The following FHOD1 variants were observed in gnomAD, a reference collection of about 807,000 sequenced individuals.
FHOD1 encodes formin homology 2 domain containing 1.
In FHOD1, 89 loss-of-function variants were observed where a neutral mutation model predicts 111.6. The observed-to-expected ratio is 0.80, with a 90% CI of 0.67 to 0.95. The LOEUF (loss-of-function observed/expected upper bound fraction) is 0.95. Among genes scored for constraint, FHOD1 ranks in the 40% least tolerant of loss-of-function variants. FHOD1 has a pLI of 0.00. For missense variants in FHOD1, 1,446 were observed against 1,554.2 expected (o/e 0.93, Z 1.17); for synonymous variants, 618 against 639.0 (o/e 0.97, Z 0.50).
rs1187348007 is a variant in FHOD1, at chr16:67,238,529, CAAAGAATAGTCTA to C, written c.374-95_374-83del. 1 of 1,271,736 alleles carries C rather than the reference CAAAGAATAGTCTA, an allele frequency of 7.9e-7. No individual in the cohort carries two copies. Among genetic ancestry groups the C allele is most frequent in the African/African-American group, 1.5e-5 (1 of 67,706 alleles). The allele number at this position is 1,271,736 out of a possible 1,614,324, so 78.8% of individuals were successfully genotyped here. A position where few individuals can be genotyped will look rare whatever the true frequency, so the allele number is the denominator to read the frequency against. On this transcript the variant is annotated intron_variant, in intron 3 of 21. Transcript: ENST00000258201. The surrounding 1 kb of genome is among the most constrained non-coding windows in gnomAD (Gnocchi z 4.2). Reference sequence around the variant, plus strand: ...CTTGGATACAACCACAACTCTCCACCAAAGAATAGTCTAATATATATGTTTTGGTCTGAGAGAC... The same window carrying C: ...CTTGGATACAACCACAACTCTCCACCATATATATGTTTTGGTCTGAGAGAC...
At position 67,229,776 on chromosome 16, in the gene FHOD1, T is replaced by C; in HGVS notation, c.3412+17A>G. On this transcript the variant is annotated intron_variant, in intron 21 of 21. Coordinates refer to ENST00000258201, the MANE Select transcript of FHOD1 (RefSeq NM_013241.3). Reference sequence around the variant, plus strand: ...ATGGGGTTCAGGTGGGCAGTGGGATTGTGGGGGGTTACTTACAAGACTTGC... The same window carrying C: ...ATGGGGTTCAGGTGGGCAGTGGGATCGTGGGGGGTTACTTACAAGACTTGC... 6.2e-7 allele frequency: 1 copy of C among 1,614,108 alleles called. No homozygotes were observed. Among genetic ancestry groups the C allele is most frequent in the South Asian group, 1.1e-5 (1 of 91,084 alleles).
chr16:67,245,119 CAG>C (rs1303284710), intron 1 of FHOD1, among the ~76,000 whole-genome samples: 2 of 152,182 alleles, frequency 1.3e-5, no homozygotes, highest in Admixed American at 1.3e-4. Flanking sequence ...CCATTCCTGG[CAG>C]AGTTGCTAGC....
rs1419899470 is a variant in FHOD1 at position 67,237,163 on chromosome 16, G to C, written c.994-49C>G. The C allele has an allele frequency of 6.2e-7, 1 of 1,602,296 alleles. No individual in the cohort carries two copies. Among genetic ancestry groups the C allele is most frequent in the South Asian group, 1.1e-5 (1 of 90,094 alleles). ...AAGAAAGTGGTTAACGTGTATGCAG[G>C]TGGGGTGGGGCGCTGGGGACTGCGC... On this transcript the variant is annotated intron_variant, in intron 9 of 21. Coordinates refer to ENST00000258201, the MANE Select transcript of FHOD1 (RefSeq NM_013241.3). This position sits in a 1 kb window ranked among gnomAD's most constrained non-coding sequence, Gnocchi z 5.6.
In FHOD1 at chr16:67,231,289, G is replaced by A. The variant is rs774576031; in HGVS notation, c.2566C>T (p.Arg856Ter). The change falls in exon 17 of 22, where the codon CGA becomes TGA. Residue 856 changes from arginine to a stop codon, truncating the protein, a stop_gained. Coordinates refer to ENST00000258201, the MANE Select transcript of FHOD1 (RefSeq NM_013241.3). LOFTEE classifies it high-confidence loss of function. The surrounding 1 kb of genome is among the most constrained non-coding windows in gnomAD (Gnocchi z 4.3). ...CAGAGATGGTGTAGCAGTGACTGTC[G>A]ACGCACCGTGTCCTTCACCTCTGAC... Reference protein sequence around the residue: ...KVSEVKDTVRRQSLLHHLCSL... With the variant: ...KVSEVKDTVR 3.1e-6 allele frequency: 5 copies of A among 1,614,128 alleles called. No individual in the cohort carries two copies. Among genetic ancestry groups the A allele is most frequent in the East Asian group, 2.2e-5 (1 of 44,874 alleles).
chr16:67,235,980 ACATGGCAGGCCTGGCAGGCCGG>A (rs1247929378), intron 11 of FHOD1: 1 of 947,144 alleles, frequency 1.1e-6, no homozygotes, highest in Non-Finnish European at 1.2e-6. Flanking sequence ...AGCCCTGAGC[ACATGGCAGGCCTGGCAGGCCGG>A]CCTCTGTACT....
Position 67,231,299 on chromosome 16 carries a change from G to C in FHOD1, c.2556C>G (p.Asp852Glu). ...SYLEKVSEVK[D>E]TVRRQSLLHH... Reference sequence around the variant, plus strand: ...GTAGCAGTGACTGTCGACGCACCGTGTCCTTCACCTCTGACACCTTCTCCA... The same window carrying C: ...GTAGCAGTGACTGTCGACGCACCGTCTCCTTCACCTCTGACACCTTCTCCA... Residue 852 changes from aspartate (D) to glutamate (E), a missense_variant, in exon 17 of 22, where the codon GAC becomes GAG. This residue lies in a region of FHOD1 where 1,085 missense variants were observed against 1,108.8 expected (regional missense o/e 0.98). Transcript: ENST00000258201. The surrounding 1 kb of genome is among the most constrained non-coding windows in gnomAD (Gnocchi z 4.3). The C allele has an allele frequency of 6.2e-7, 1 of 1,614,168 alleles. No homozygotes were observed. Among genetic ancestry groups the C allele is most frequent in the East Asian group, 2.2e-5 (1 of 44,882 alleles).
chr16:67,237,882 G>A lies in FHOD1; in HGVS notation c.643-114C>T. On this transcript the variant is annotated intron_variant, in intron 6 of 21. Transcript: ENST00000258201. This position sits in a 1 kb window ranked among gnomAD's most constrained non-coding sequence, Gnocchi z 5.6. ...GACCCAGAGAGAATCTAGGCAGAATGACCCTGGCCCCAGGCCCAGGCACTG... is the reference window on the plus strand; with the variant it reads ...GACCCAGAGAGAATCTAGGCAGAATAACCCTGGCCCCAGGCCCAGGCACTG... 1 of 1,321,670 alleles carries A rather than the reference G, an allele frequency of 7.6e-7. No homozygotes were observed. The highest frequency in any genetic ancestry group is 1.2e-5 in the South Asian group (1 of 80,612). The allele number at this position is 1,321,670 out of a possible 1,614,324, so 81.9% of individuals were successfully genotyped here. A position where few individuals can be genotyped will look rare whatever the true frequency, so the allele number is the denominator to read the frequency against.
Position 67,237,388 on chromosome 16 carries a change from G to GGGCGGGGATAAGAAGGCAA in FHOD1, c.850-25_850-7dup, listed in dbSNP as rs762228953. 2.5e-6 allele frequency: 4 copies of GGGCGGGGATAAGAAGGCAA among 1,613,706 alleles called. No individual in the cohort carries two copies. The highest frequency in any genetic ancestry group is 1.3e-5 in the African/African-American group (1 of 74,934). ...TCCGGGAGCGCCGCCAGCGTCTGGA[G>GGGCGGGGATAAGAAGGCAA]GGCGGGGATAAGAAGGCAAGGCTGA... On this transcript the variant is annotated splice_region_variant and splice_polypyrimidine_tract_variant and intron_variant, in intron 8 of 21. Transcript: ENST00000258201. The surrounding 1 kb of genome is among the most constrained non-coding windows in gnomAD (Gnocchi z 5.6).
rs2034822941 is a variant in FHOD1, at chr16:67,246,240, G to GAGGCTGGGAGCAGGGGAGGGCACCC, written c.201+945_201+969dup. ...AGTTTACGCAACTCGCCGCCCAGCTGAGGCTGGGAGCAGGGGAGGGCACCC... is the reference window on the plus strand; with the variant it reads ...AGTTTACGCAACTCGCCGCCCAGCTGAGGCTGGGAGCAGGGGAGGGCACCCAGGCTGGGAGCAGGGGAGGGCACCC... On this transcript the variant is annotated intron_variant, in intron 1 of 21. Coordinates refer to ENST00000258201, the MANE Select transcript of FHOD1 (RefSeq NM_013241.3). Among the ~76,000 whole-genome samples the GAGGCTGGGAGCAGGGGAGGGCACCC allele has an allele frequency of 3.9e-5, 6 of 152,204 alleles. No individual in the cohort carries two copies. In the South Asian group the frequency reaches 1.2e-3, roughly 31 times the overall value.
In FHOD1 at chr16:67,231,080, C is replaced by T; in HGVS notation, c.2667+108G>A. The stretch of plus-strand genomic sequence containing the variant: ...ATAGCTCACACCCAGGTGGCTGGAG[C>T]AAGCCCTGGCACAGCAGCCCAAATG... On this transcript the variant is annotated intron_variant, in intron 17 of 21. Transcript: ENST00000258201. This position sits in a 1 kb window ranked among gnomAD's most constrained non-coding sequence, Gnocchi z 4.3. 1.4e-6 allele frequency: 2 copies of T among 1,429,152 alleles called. No homozygotes were observed. Among genetic ancestry groups the T allele is most frequent in the South Asian group, 1.3e-5 (1 of 75,290 alleles). The allele number at this position is 1,429,152 out of a possible 1,614,324, so 88.5% of individuals were successfully genotyped here.
At position 67,231,509 on chromosome 16, in the gene FHOD1, TC is replaced by T. The variant is rs1173520609; in HGVS notation, c.2425del (p.Glu809AsnfsTer17). 2 of 1,614,128 alleles carry T rather than the reference TC, an allele frequency of 1.2e-6. No homozygotes were observed. Among genetic ancestry groups the T allele is most frequent in the Non-Finnish European group, 1.7e-6 (2 of 1,180,016 alleles). ...GAAGGTGGCATTCTGTACCAGCTGT[TC>T]CATACCCACTTTCAGGTCAAACAGT... ...EPLFDLKVGM[E>X]QLVQNATFRC... On this transcript the variant is annotated frameshift_variant, in exon 16 of 22. Transcript: ENST00000258201. LOFTEE classifies it high-confidence loss of function. This position sits in a 1 kb window ranked among gnomAD's most constrained non-coding sequence, Gnocchi z 4.3.
In FHOD1 at chr16:67,237,085, G is replaced by A. The variant is rs1354745165; in HGVS notation, c.1023C>T (p.Ile341=). Residue 341 remains isoleucine, a synonymous_variant, in exon 10 of 22, where the codon ATC becomes ATT. Coordinates refer to ENST00000258201, the MANE Select transcript of FHOD1 (RefSeq NM_013241.3). The surrounding 1 kb of genome is among the most constrained non-coding windows in gnomAD (Gnocchi z 5.6). The part of the protein sequence containing the change: ...ENALKLEDGD[I]EEAPGAGGRR... Reference sequence around the variant, plus strand: ...GCCCACCAGCGCCTGGGGCTTCTTCGATGTCTCCATCCTCCAATTTCAGGG... The same window carrying A: ...GCCCACCAGCGCCTGGGGCTTCTTCAATGTCTCCATCCTCCAATTTCAGGG... 2 of 1,612,478 alleles carry A rather than the reference G, an allele frequency of 1.2e-6. No homozygotes were observed. Among genetic ancestry groups the A allele is most frequent in the Admixed American group, 1.7e-5 (1 of 59,694 alleles).
intron 1 of FHOD1, among the ~76,000 whole-genome samples, chr16:67,242,554 C>T (rs1317856345): frequency 6.6e-6 from 1 of 152,270 alleles, no homozygotes; most frequent in Non-Finnish European, 1.5e-5. Context: ...GGCCTTGTTT[C>T]TCACACCCTG....
At chr16:67,236,103 C>T in intron 11 of FHOD1, 1 of 908,400 alleles carries the variant, frequency 1.1e-6, no homozygotes, top group Non-Finnish European at 1.3e-6. Flanking sequence ...GAGATGGTAA[C>T]TGTGGTGTCA....
chr16:67,232,815 TATTTTTTTTTTTAAC>T (rs963373429), intron 13 of FHOD1, among the ~76,000 whole-genome samples: 1 of 151,668 alleles, frequency 6.6e-6, no homozygotes, highest in African/African-American at 2.4e-5. Flanking sequence ...CATACCCAAC[TATTTTTTTTTTTAAC>T]ATTTTTTTTT....
Position 67,238,378 on chromosome 16 carries a change from A to T in FHOD1, c.441+2T>A, listed in dbSNP as rs2034571696. On this transcript the variant is annotated splice_donor_variant, in intron 4 of 21. Transcript: ENST00000258201. LOFTEE classifies it high-confidence loss of function. This position sits in a 1 kb window ranked among gnomAD's most constrained non-coding sequence, Gnocchi z 4.2. ...TACCCCCAGCCCACTGCGGGGCCTCACCTGGAAGATCTGCTTCAGTGAGAA... is the reference window on the plus strand; with the variant it reads ...TACCCCCAGCCCACTGCGGGGCCTCTCCTGGAAGATCTGCTTCAGTGAGAA... 6.2e-7 allele frequency: 1 copy of T among 1,613,996 alleles called. No homozygotes were observed. Among genetic ancestry groups the T allele is most frequent in the Admixed American group, 1.7e-5 (1 of 59,986 alleles).
At position 67,237,077 on chromosome 16, in the gene FHOD1, GCTTCTTCGATGT is replaced by G; in HGVS notation, c.1019_1030del (p.Asp340_Glu343del). The G allele has an allele frequency of 6.2e-7, 1 of 1,612,972 alleles. No homozygotes were observed. The highest frequency in any genetic ancestry group is 8.5e-7 in the Non-Finnish European group (1 of 1,179,656). On this transcript the variant is annotated inframe_deletion, in exon 10 of 22. Coordinates refer to ENST00000258201, the MANE Select transcript of FHOD1 (RefSeq NM_013241.3). The surrounding 1 kb of genome is among the most constrained non-coding windows in gnomAD (Gnocchi z 5.6). Reference sequence around the variant, plus strand: ...TTCCCGCCGCCCACCAGCGCCTGGGGCTTCTTCGATGTCTCCATCCTCCAATTTCAGGGCGTT... The same window carrying G: ...TTCCCGCCGCCCACCAGCGCCTGGGGCTCCATCCTCCAATTTCAGGGCGTT...
chr16:67,232,773 C>A (rs1455571010), intron 13 of FHOD1, among the ~76,000 whole-genome samples: 2 of 152,184 alleles, frequency 1.3e-5, no homozygotes, highest in Middle Eastern at 3.4e-3. Context: ...GCCTCAGCCT[C>A]CCAAGTAGCT....
chr16:67,234,798 CTCTG>C (rs1303314702), intron 11 of FHOD1: 2 of 293,334 alleles, frequency 6.8e-6, no homozygotes, highest in African/African-American at 4.3e-5. Flanking sequence ...CAGGGTCTCA[CTCTG>C]TCAGTCACCC....
Sources: gnomAD v4.1 joint callset for allele counts (sites outside exome capture counted in the v4.1 genomes callset) on GRCh38, gnomAD v4.1.1 for gene constraint, gnomAD v4.1.1 regional missense constraint, Gnocchi (gnomAD v3.1) non-coding constraint, MANE v1.5 for transcripts, NCBI Gene and HGNC (gene_info 2026-07-23, HGNC 2026-07-21) for gene names.